Variants in KDM2B observed in about 807,000 individuals in gnomAD.
KDM2B encodes lysine-specific demethylase 2B.
In KDM2B, 26 loss-of-function variants were observed where a neutral mutation model predicts 150.0. The ratio of observed to expected loss-of-function variants is 0.17; its 90% confidence interval spans 0.13 to 0.24. KDM2B has a LOEUF of 0.24. Ranked by LOEUF, KDM2B falls within the 10% of genes least tolerant of loss-of-function variation. The probability of loss-of-function intolerance (pLI) is 1.00; values close to 1 mark genes in which losing one functional copy is unlikely to be tolerated. For missense variants in KDM2B, 1,265 were observed against 1,816.9 expected (o/e 0.70, Z 5.52); for synonymous variants, 734 against 729.5 (o/e 1.01, Z -0.10).
At chr12:121,503,400 C>G (rs1368723638) in intron 11 of KDM2B, among the ~76,000 whole-genome samples, 1 of 152,070 alleles carries the variant, frequency 6.6e-6, no homozygotes, top group African/African-American at 2.4e-5. Flanking sequence ...AGTAAATCCT[C>G]CTGCATCAGC....
At chr12:121,475,182 C>CTGTG (rs60083867) in intron 12 of KDM2B, among the ~76,000 whole-genome samples, 9,778 of 139,642 alleles carry the variant, frequency 0.07, 350 homozygotes, top group East Asian at 0.12. Flanking sequence ...ACACATGACT[C>CTGTG]TGTGTGTGTG....
intron 12 of KDM2B, among the ~76,000 whole-genome samples, chr12:121,473,592 G>A (rs925229537): frequency 5.9e-5 from 9 of 151,304 alleles, no homozygotes; most frequent in South Asian, 2.1e-4. Flanking sequence ...GATGGCACAC[G>A]CCTGTAATCC....
At chr12:121,410,961 G>A in the KDM2B span, among the ~76,000 whole-genome samples, 56 of 152,252 alleles carry the variant, frequency 3.7e-4, no homozygotes, top group Middle Eastern at 3.4e-3. Context: ...TTGAGACAGG[G>A]TCTCACTCCG....
chr12:121,580,485 GCGC>G (rs1490093188), intron 1 of KDM2B: 5 of 1,179,594 alleles, frequency 4.2e-6, no homozygotes, highest in East Asian at 4.9e-5. Flanking sequence ...CTGCACGCAG[GCGC>G]CGCCGCCGCC....
chr12:121,522,987 T>TGTG (rs1886821825), intron 8 of KDM2B, among the ~76,000 whole-genome samples: 1 of 152,236 alleles, frequency 6.6e-6, no homozygotes, highest in South Asian at 2.1e-4. Flanking sequence ...GCTACTGCAC[T>TGTG]GCAATTCACA....
chr12:121,518,043 C>T lies in KDM2B; in HGVS notation c.1047+2942G>A, dbSNP rs1886377569. ...GAGTAGCTGGGATTACAGGCACACA[C>T]CACCATGCTCGGCTAATTTTTGTAT... is the stretch of plus-strand genomic sequence containing the variant. On this transcript the variant is annotated intron_variant, in intron 9 of 22. Coordinates refer to ENST00000377071, the MANE Select transcript of KDM2B (RefSeq NM_032590.5). The surrounding 1 kb of genome is among the most constrained non-coding windows in gnomAD (Gnocchi z 4.4). 6.6e-6 allele frequency among the ~76,000 whole-genome samples: 1 copy of T among 151,488 alleles called. No individual in the cohort carries two copies. The highest frequency in any genetic ancestry group is 1.5e-5 in the Non-Finnish European group (1 of 67,920).
At chr12:121,538,745 G>A (rs1011290701) in intron 6 of KDM2B, among the ~76,000 whole-genome samples, 1 of 152,012 alleles carries the variant, frequency 6.6e-6, no homozygotes, top group Non-Finnish European at 1.5e-5. Flanking sequence ...CTCAAGCCTC[G>A]AGTTCGGGTC....
chr12:121,482,535 C>T (rs572251668), intron 12 of KDM2B, among the ~76,000 whole-genome samples: 5 of 151,726 alleles, frequency 3.3e-5, no homozygotes, highest in Non-Finnish European at 5.9e-5. Context: ...CTCCGGACCT[C>T]GTGATCCACT....
chr12:121,509,775 C>T lies in KDM2B; in HGVS notation c.1439G>A (p.Ser480Asn). ...TACGGCCAATGTGGTGGACTTCACA[C>T]TTTCCTCCGACTCATTAGACAAAGT... Reference protein sequence around the residue: ...KRTLSNESEESVKSTTLAVDY... With the variant: ...KRTLSNESEENVKSTTLAVDY... The change falls in exon 11 of 23, where the codon AGT becomes AAT. Residue 480 changes from serine to asparagine, a missense_variant. Coordinates refer to ENST00000377071, the MANE Select transcript of KDM2B (RefSeq NM_032590.5). 6.2e-7 allele frequency: 1 copy of T among 1,614,146 alleles called. No individual in the cohort carries two copies. The highest frequency in any genetic ancestry group is 1.1e-5 in the South Asian group (1 of 91,080).
At chr12:121,432,766 C>T (rs151241001) in intron 22 of KDM2B, among the ~76,000 whole-genome samples, 4 of 152,384 alleles carry the variant, frequency 2.6e-5, no homozygotes, top group African/African-American at 9.6e-5. Context: ...CCCCAGAATG[C>T]GTCTCATTCC....
At chr12:121,420,596 A>G in the KDM2B span, 1 of 1,614,122 alleles carries the variant, frequency 6.2e-7, no homozygotes, top group South Asian at 1.1e-5. Flanking sequence ...CTCTCCAAGG[A>G]GAGAGTGAGA....
chr12:121,509,574 C>A lies in KDM2B; in HGVS notation c.1640G>T (p.Gly547Val). 1.9e-6 allele frequency: 3 copies of A among 1,612,944 alleles called. No individual in the cohort carries two copies. The highest frequency in any genetic ancestry group is 2.5e-6 in the Non-Finnish European group (3 of 1,179,684). Reference sequence around the variant, plus strand: ...GACGCCACTCCTGCCCACCTTCACACCCTCCAGGAGTGCCTGGGGGTCCTC... The same window carrying A: ...GACGCCACTCCTGCCCACCTTCACAACCTCCAGGAGTGCCTGGGGGTCCTC... Reference protein sequence around the residue: ...GIEDPQALLEGVKNVLKEHAD... With the variant: ...GIEDPQALLEVVKNVLKEHAD... The change falls in exon 11 of 23, where the codon GGT becomes GTT. Residue 547 changes from glycine to valine, a missense_variant. Around this residue, in one of 11 missense-constraint regions of KDM2B, gnomAD observed 69 missense variants for 85.7 expected, o/e 0.81. Coordinates refer to ENST00000377071, the MANE Select transcript of KDM2B (RefSeq NM_032590.5).
rs116062811 is a variant in KDM2B, at chr12:121,568,965, G to T, written c.397+5582C>A. 2.7e-3 allele frequency among the ~76,000 whole-genome samples: 407 copies of T among 151,806 alleles called. 2 individuals carry two copies. Among genetic ancestry groups the T allele is most frequent in the African/African-American group, 9.3e-3 (384 of 41,414 alleles). ...AGAGAAGAGTCTGCAGCCCCGAGTT[G>T]TGTCCTGAACACCTGGTAGTGCACA... On this transcript the variant is annotated intron_variant, in intron 4 of 22. Coordinates refer to ENST00000377071, the MANE Select transcript of KDM2B (RefSeq NM_032590.5).
At chr12:121,559,410 G>A (rs545626745) in intron 4 of KDM2B, among the ~76,000 whole-genome samples, 6 of 152,238 alleles carry the variant, frequency 3.9e-5, no homozygotes, top group South Asian at 2.1e-4. Flanking sequence ...TGGGCTTCAC[G>A]GACCTCCCCT....
intron 22 of KDM2B, among the ~76,000 whole-genome samples, chr12:121,438,422 A>G (rs1002263157): frequency 1.3e-5 from 2 of 152,196 alleles, no homozygotes; most frequent in Non-Finnish European, 2.9e-5. Flanking sequence ...CTACGCATCC[A>G]TAATAACTAA....
intron 4 of KDM2B, among the ~76,000 whole-genome samples, chr12:121,559,363 G>C (rs1038412741): frequency 6.6e-6 from 1 of 152,122 alleles, no homozygotes; most frequent in Admixed American, 6.5e-5. Context: ...AGGGGAAGTG[G>C]TGGGAGGAGG....
chr12:121,499,585 G>A (rs569418315), intron 11 of KDM2B, among the ~76,000 whole-genome samples: 1 of 152,028 alleles, frequency 6.6e-6, no homozygotes, highest in African/African-American at 2.4e-5. Flanking sequence ...CCAGGAGTTC[G>A]AGGCTGCAGT....
At chr12:121,529,267 G>T (rs1887424829) in intron 8 of KDM2B, among the ~76,000 whole-genome samples, 1 of 152,148 alleles carries the variant, frequency 6.6e-6, no homozygotes, top group Non-Finnish European at 1.5e-5. Flanking sequence ...AAAAGCATTT[G>T]ACAAAATCCA....
rs1880352211 is a variant in KDM2B, at chr12:121,468,324, A to G, written c.1735-14980T>C. The G allele has an allele frequency of 6.6e-6, 1 of 152,240 alleles. No individual in the cohort carries two copies. The highest frequency in any genetic ancestry group is 6.5e-5 in the Admixed American group (1 of 15,282). 9.4% of individuals were successfully genotyped at this position (152,240 alleles called of 1,614,324 possible). ...CAGATAGATCTTCATTCATTCAAAA[A>G]AAAAGTCTATCGGGCACTTAAGCCA... On this transcript the variant is annotated intron_variant, in intron 12 of 22. Transcript: ENST00000377071. This position sits in a 1 kb window ranked among gnomAD's most constrained non-coding sequence, Gnocchi z 4.0.
Sources: gnomAD v4.1 joint callset for allele counts (sites outside exome capture counted in the v4.1 genomes callset) on GRCh38, gnomAD v4.1.1 for gene constraint, gnomAD v4.1.1 regional missense constraint, Gnocchi (gnomAD v3.1) non-coding constraint, MANE v1.5 for transcripts, NCBI Gene and HGNC (gene_info 2026-07-23, HGNC 2026-07-21) for gene names.